ANKRD11: variants seen among roughly 807,000 people sequenced by gnomAD.
ANKRD11 encodes ankyrin repeat domain 11.
A neutral mutation model predicts 195.7 loss-of-function variants in ANKRD11; 17 were observed. The observed-to-expected ratio is 0.09, with a 90% CI of 0.06 to 0.13. The LOEUF is 0.13. Among genes scored for constraint, ANKRD11 ranks in the 10% least tolerant of loss-of-function variants. The pLI, the probability that ANKRD11 is intolerant of heterozygous loss-of-function variation, is 1.00. For missense variants in ANKRD11, 3,735 were observed against 3,566.1 expected (o/e 1.05, Z -1.21); for synonymous variants, 1,953 against 1,528.1 (o/e 1.28, Z -6.49).
At chr16:89,462,957 TCAGCCCCCCCGCCAGGC>T (rs2056743967) in intron 1 of ANKRD11, among the ~76,000 whole-genome samples, 1 of 124,446 alleles carries the variant, frequency 8.0e-6, no homozygotes, top group East Asian at 2.3e-4. Context: ...GTGGGGGGGG[TCAGCCCCCCCGCCAGGC>T]CAGCCGCCCC....
intron 2 of ANKRD11, among the ~76,000 whole-genome samples, chr16:89,412,719 C>A (rs2042148535): frequency 6.6e-6 from 1 of 152,076 alleles, no homozygotes; most frequent in Non-Finnish European, 1.5e-5. Flanking sequence ...GGAAAAAATT[C>A]CCTTAAGCCA....
chr16:89,352,568 C>T (rs2039272460), intron 2 of ANKRD11, among the ~76,000 whole-genome samples: 1 of 152,184 alleles, frequency 6.6e-6, no homozygotes, highest in Non-Finnish European at 1.5e-5. Flanking sequence ...CTGTCAGGGC[C>T]ACTTCCTCTC....
chr16:89,444,001 G>A (rs140182062), intron 1 of ANKRD11, among the ~76,000 whole-genome samples: 13 of 152,290 alleles, frequency 8.5e-5, no homozygotes, highest in Admixed American at 3.3e-4. Flanking sequence ...CAGAAACTCC[G>A]CAGACCAAGA....
At chr16:89,471,013 T>C (rs1187059141) in intron 1 of ANKRD11, among the ~76,000 whole-genome samples, 1 of 151,358 alleles carries the variant, frequency 6.6e-6, no homozygotes, top group Non-Finnish European at 1.5e-5. Flanking sequence ...GGAAATCTCA[T>C]GAAAGCATGG....
chr16:89,369,757 C>T (rs768691124), intron 2 of ANKRD11, among the ~76,000 whole-genome samples: 3 of 152,186 alleles, frequency 2.0e-5, no homozygotes, highest in Admixed American at 6.5e-5. Flanking sequence ...GGTGAAACAG[C>T]TGTCTAAGAC....
chr16:89,282,268 G>A lies in ANKRD11; in HGVS notation c.4274C>T (p.Thr1425Ile). The A allele has an allele frequency of 6.2e-7, 1 of 1,613,556 alleles. No homozygotes were observed. The highest frequency in any genetic ancestry group is 8.5e-7 in the Non-Finnish European group (1 of 1,179,988). The change falls in exon 9 of 13, where the codon ACC becomes ATC. Residue 1425 changes from threonine (T) to isoleucine (I), a missense_variant. By Grantham distance (89) the Thr-to-Ile change is moderately conservative (BLOSUM62 -1). Transcript: ENST00000301030. ...ELDKTIELFS[T>I]EKKDKNDSER... ...GGAATCATTTTTATCTTTCTTTTCG[G>A]TAGAAAACAATTCAATGGTTTTATC...
At chr16:89,301,722 C>T (rs1242604156) in intron 4 of ANKRD11, 2 of 398,432 alleles carry the variant, frequency 5.0e-6, no homozygotes, top group African/African-American at 2.1e-5. Context: ...CGCGGATGCA[C>T]AGCCTCGGGG....
intron 1 of ANKRD11, among the ~76,000 whole-genome samples, chr16:89,487,635 G>T (rs949781444): frequency 5.9e-5 from 9 of 152,040 alleles, no homozygotes; most frequent in African/African-American, 1.2e-4. Flanking sequence ...TTAGCCAGGC[G>T]TGGCGGTGGG....
rs201262080 is a variant in ANKRD11 at position 89,438,492 on chromosome 16, G to A, written c.-144-20124C>T. ...GTGCTACCACATCCAGCTAATTTGTGTGTGTGTGTGCGTATTTTTAGTAGA... is the reference window on the plus strand; with the variant it reads ...GTGCTACCACATCCAGCTAATTTGTATGTGTGTGTGCGTATTTTTAGTAGA... On this transcript the variant is annotated intron_variant, in intron 1 of 12. Transcript: ENST00000301030. 1.4e-4 allele frequency among the ~76,000 whole-genome samples: 21 copies of A among 152,196 alleles called. No homozygotes were observed. The East Asian group carries it at 3.7e-3, about 27-fold the overall frequency.
chr16:89,407,835 C>G (rs1471385268), intron 2 of ANKRD11, among the ~76,000 whole-genome samples: 1 of 122,930 alleles, frequency 8.1e-6, no homozygotes, highest in African/African-American at 3.2e-5. Context: ...GAGTGAGAGT[C>G]AGATCCTGTC....
intron 1 of ANKRD11, among the ~76,000 whole-genome samples, chr16:89,473,657 G>A (rs941512923): frequency 6.6e-6 from 1 of 152,210 alleles, no homozygotes; most frequent in African/African-American, 2.4e-5. Context: ...TCATGGAGGA[G>A]AGAGAGATGC....
intron 1 of ANKRD11, among the ~76,000 whole-genome samples, chr16:89,430,932 C>T (rs1005418856): frequency 1.2e-4 from 19 of 152,062 alleles, no homozygotes; most frequent in African/African-American, 4.6e-4. Context: ...CAAAGGAAAC[C>T]CCTGTGAGCC....
chr16:89,353,247 CAGG>C (rs1227750736), intron 2 of ANKRD11, among the ~76,000 whole-genome samples: 1 of 151,588 alleles, frequency 6.6e-6, no homozygotes, highest in Non-Finnish European at 1.5e-5. Flanking sequence ...GAGGCTGAGG[CAGG>C]AGAATTGCTT....
At chr16:89,426,387 C>T (rs2042715315) in intron 1 of ANKRD11, among the ~76,000 whole-genome samples, 1 of 152,202 alleles carries the variant, frequency 6.6e-6, no homozygotes, top group South Asian at 2.1e-4. Context: ...GCCTCCCTCC[C>T]GCAGGAGGCC....
chr16:89,386,761 T>C (rs139832674), intron 2 of ANKRD11, among the ~76,000 whole-genome samples: 1 of 152,296 alleles, frequency 6.6e-6, no homozygotes, highest in East Asian at 1.9e-4. Flanking sequence ...CAATCCAAAA[T>C]AGCACTGTAG....
intron 2 of ANKRD11, among the ~76,000 whole-genome samples, chr16:89,406,471 C>T (rs2041911689): frequency 6.6e-6 from 1 of 152,212 alleles, no homozygotes; most frequent in African/African-American, 2.4e-5. Context: ...GGCAAAGGAG[C>T]CACCGTGCAC....
rs117299734 is a variant in ANKRD11, at chr16:89,312,735, C to T, written c.87+4198G>A. 1.2e-4 allele frequency among the ~76,000 whole-genome samples: 18 copies of T among 152,316 alleles called. No homozygotes were observed. In the East Asian group the frequency reaches 2.1e-3, roughly 18 times the overall value. Reference sequence around the variant, plus strand: ...GGCCTCCTGCTCCTCCCGAAGCATGCGGGGGAGTTCTGGGCTCTGTTCTGA... The same window carrying T: ...GGCCTCCTGCTCCTCCCGAAGCATGTGGGGGAGTTCTGGGCTCTGTTCTGA... On this transcript the variant is annotated intron_variant, in intron 3 of 12. Transcript: ENST00000301030.
At chr16:89,342,555 C>G (rs916287400) in intron 2 of ANKRD11, among the ~76,000 whole-genome samples, 6 of 152,202 alleles carry the variant, frequency 3.9e-5, no homozygotes, top group Non-Finnish European at 7.3e-5. Flanking sequence ...ACACCACGTG[C>G]CTGAGCAGGA....
chr16:89,466,059 T>C (rs2056871681), intron 1 of ANKRD11, among the ~76,000 whole-genome samples: 1 of 151,860 alleles, frequency 6.6e-6, no homozygotes, highest in Non-Finnish European at 1.5e-5. Context: ...CAGGGACCAG[T>C]AAAAGGAGAT....
Sources: gnomAD v4.1 joint callset for allele counts (sites outside exome capture counted in the v4.1 genomes callset) on GRCh38, gnomAD v4.1.1 for gene constraint, MANE v1.5 for transcripts, NCBI Gene and HGNC (gene_info 2026-07-23, HGNC 2026-07-21) for gene names.